The following COX7A2L variants were observed in gnomAD, a reference collection of about 807,000 sequenced individuals.
COX7A2L encodes cytochrome c oxidase subunit 7A2 like.
COX7A2L carries 18 observed loss-of-function variants against 14.2 expected under a neutral mutation model. That is an observed-to-expected ratio of 1.27 (90% CI 0.88 to 1.88). COX7A2L has a LOEUF of 1.88. Among genes scored for constraint, COX7A2L ranks in the 40% most tolerant of loss-of-function variants. The pLI is 0.00. For missense variants in COX7A2L, 179 were observed against 138.8 expected (o/e 1.29, Z -1.46); for synonymous variants, 65 against 57.4 (o/e 1.13, Z -0.60).
chr2:42,363,848 G>A (rs1194296420), upstream of COX7A2L, among the ~76,000 whole-genome samples: 1 of 152,218 alleles, frequency 6.6e-6, no homozygotes, highest in East Asian at 1.9e-4. Context: ...GGTGAACTGA[G>A]TGAGTGCAAA....
downstream of COX7A2L, among the ~76,000 whole-genome samples, chr2:42,344,686 A>C (rs1487658714): frequency 2.0e-5 from 3 of 152,072 alleles, no homozygotes; most frequent in Non-Finnish European, 4.4e-5. Context: ...CCCCATCTCT[A>C]CTAAAAATAC....
At chr2:42,355,010 T>C (rs1199311613) in intron 1 of COX7A2L, among the ~76,000 whole-genome samples, 1 of 152,216 alleles carries the variant, frequency 6.6e-6, no homozygotes, top group Non-Finnish European at 1.5e-5. Context: ...GATCAAATAG[T>C]GAAAAGCAAG....
intron 1 of COX7A2L, among the ~76,000 whole-genome samples, chr2:42,357,181 G>C (rs1670848616): frequency 6.6e-6 from 1 of 152,198 alleles, no homozygotes. Context: ...TAGGTTTGGG[G>C]AAGAGGGTGG....
Position 42,342,463 on chromosome 2 carries a change from G to C in COX7A2L, c.193-8594C>G, listed in dbSNP as rs1230877619. On this transcript the variant is annotated intron_variant, in intron 2 of 2. Coordinates refer to the COX7A2L transcript ENST00000468711. The surrounding 1 kb of genome is among the most constrained non-coding windows in gnomAD (Gnocchi z 4.9). ...CTCCTTCCCTGCCTTGGAAAACCCA[G>C]GTCCCTAACTCCATCTGCTTTACTT... 6.6e-6 allele frequency among the ~76,000 whole-genome samples: 1 copy of C among 152,120 alleles called. No homozygotes were observed. Among genetic ancestry groups the C allele is most frequent in the African/African-American group, 2.4e-5 (1 of 41,412 alleles).
At chr2:42,362,087 C>G (rs2103916441), upstream of COX7A2L, among the ~76,000 whole-genome samples, 1 of 152,264 alleles carries the variant, frequency 6.6e-6, no homozygotes, top group South Asian at 2.1e-4. Context: ...CATCCTTTTC[C>G]TGGCCTCTGC....
At chr2:42,340,231 CCA>C (rs1670374098) in intron 2 of COX7A2L, among the ~76,000 whole-genome samples, 1 of 152,136 alleles carries the variant, frequency 6.6e-6, no homozygotes, top group South Asian at 2.1e-4. Context: ...TGGGGGTACC[CCA>C]GAGACAACCT....
At chr2:42,366,271 C>T (rs373104914) in intron 1 of COX7A2L, among the ~76,000 whole-genome samples, 2 of 152,046 alleles carry the variant, frequency 1.3e-5, no homozygotes, top group Non-Finnish European at 2.9e-5. Flanking sequence ...CTCTAAAATA[C>T]AAAAATTAGT....
At chr2:42,335,836 A>C (rs1670259191) in intron 2 of COX7A2L, among the ~76,000 whole-genome samples, 3 of 152,220 alleles carry the variant, frequency 2.0e-5, no homozygotes, top group Non-Finnish European at 4.4e-5. Context: ...GGTGATGATG[A>C]GGCTTTGGAC....
rs898518743 is a variant in COX7A2L, at chr2:42,338,955, G to A, written c.193-5086C>T. On this transcript the variant is annotated intron_variant, in intron 2 of 2. Coordinates refer to the COX7A2L transcript ENST00000468711. The surrounding 1 kb of genome is among the most constrained non-coding windows in gnomAD (Gnocchi z 4.4). ...AGAGAACGAGAGATTAGCTGTCCCTGCATCAGAGCGCCAGGAAGGCTGTCC... is the reference window on the plus strand; with the variant it reads ...AGAGAACGAGAGATTAGCTGTCCCTACATCAGAGCGCCAGGAAGGCTGTCC... Among the ~76,000 whole-genome samples the A allele has an allele frequency of 4.6e-5, 7 of 152,184 alleles. No homozygotes were observed. Among genetic ancestry groups the A allele is most frequent in the Non-Finnish European group, 8.8e-5 (6 of 68,034 alleles).
chr2:42,346,403 T>A (rs1410826130), downstream of COX7A2L, among the ~76,000 whole-genome samples: 1 of 152,170 alleles, frequency 6.6e-6, no homozygotes, highest in African/African-American at 2.4e-5. Context: ...GAGCTTGCAA[T>A]CAGAAGAGGT....
chr2:42,340,684 A>T (rs946384575), intron 2 of COX7A2L, among the ~76,000 whole-genome samples: 1 of 150,944 alleles, frequency 6.6e-6, no homozygotes, highest in African/African-American at 2.4e-5. Context: ...GAAATCACCT[A>T]CTCACGTGAG....
In COX7A2L at chr2:42,354,227, G is replaced by A. The variant is rs375393080; in HGVS notation, c.73-884C>T. On this transcript the variant is annotated intron_variant, in intron 1 of 2. Coordinates refer to ENST00000234301, the MANE Select transcript of COX7A2L (RefSeq NM_004718.4). ...ACCCTAAATTGTACCCTTTAAATGG[G>A]CAACTTGTATGCTATGTAAATTATA... Among the ~76,000 whole-genome samples the A allele has an allele frequency of 2.2e-4, 34 of 152,202 alleles. No homozygotes were observed. The East Asian group carries it at 3.1e-3, about 14-fold the overall frequency.
chr2:42,351,483 A>G, intron 2 of COX7A2L, 124 bp from the exon 3 acceptor site: 1 of 1,112,320 alleles, frequency 9.0e-7, no homozygotes, highest in African/African-American at 1.6e-5. Context: ...TGGGAAAAGC[A>G]CTAATCCATG....
At chr2:42,366,632 T>A (rs564329330) in intron 1 of COX7A2L, among the ~76,000 whole-genome samples, 1 of 152,312 alleles carries the variant, frequency 6.6e-6, no homozygotes, top group South Asian at 2.1e-4. Context: ...TACCTGGAAG[T>A]CTATATAGGA....
chr2:42,363,145 G>A (rs553617023), upstream of COX7A2L, among the ~76,000 whole-genome samples: 53 of 152,184 alleles, frequency 3.5e-4, no homozygotes, highest in Non-Finnish European at 6.5e-4. Flanking sequence ...CCAAAATGCT[G>A]GGATTACAGG....
At chr2:42,361,312 A>T, upstream of COX7A2L, 1 of 678,726 alleles carries the variant, frequency 1.5e-6, no homozygotes. Flanking sequence ...AAACCTGCAC[A>T]CTTAAGCCGC....
At chr2:42,335,655 G>A (rs1670254260) in intron 2 of COX7A2L, among the ~76,000 whole-genome samples, 1 of 152,202 alleles carries the variant, frequency 6.6e-6, no homozygotes, top group Non-Finnish European at 1.5e-5. Context: ...CACAGAAGCC[G>A]ACTGGCTGAG....
downstream of COX7A2L, among the ~76,000 whole-genome samples, chr2:42,348,035 G>A (rs948387504): frequency 6.6e-6 from 1 of 152,210 alleles, no homozygotes. Flanking sequence ...CTGTCACAAG[G>A]TAGGGAGGTG....
rs1304608001 is a variant in COX7A2L, at chr2:42,350,799, C to CTCATT, written c.*419_*420insAATGA. 1 of 153,530 alleles carries CTCATT rather than the reference C, an allele frequency of 6.5e-6. No individual in the cohort carries two copies. Among genetic ancestry groups the CTCATT allele is most frequent in the East Asian group, 1.9e-4 (1 of 5,236 alleles). The allele number at this position is 153,530 out of a possible 1,614,324, so 9.5% of individuals were successfully genotyped here. ...TGGAAAAAATCCCCGAGGTGACTAA[C>CTCATT]TCAAACTCCTCATTTCATGCACATG... On this transcript the variant is annotated 3_prime_UTR_variant, in exon 3 of 3. Coordinates refer to ENST00000234301, the MANE Select transcript of COX7A2L (RefSeq NM_004718.4).
Sources: gnomAD v4.1 joint callset for allele counts (sites outside exome capture counted in the v4.1 genomes callset) on GRCh38, gnomAD v4.1.1 for gene constraint, Gnocchi (gnomAD v3.1) non-coding constraint, MANE v1.5 for transcripts, NCBI Gene and HGNC (gene_info 2026-07-23, HGNC 2026-07-21) for gene names.